MGAT4C: variants seen among roughly 807,000 people sequenced by gnomAD.
The protein encoded by MGAT4C is alpha-1,3-mannosyl-glycoprotein 4-beta-N-acetylglucosaminyltransferase C.
A neutral mutation model predicts 40.1 loss-of-function variants in MGAT4C; 19 were observed. The ratio of observed to expected loss-of-function variants is 0.47; its 90% CI spans 0.33 to 0.70. The LOEUF is 0.70. Ranked by LOEUF, MGAT4C falls within the 30% of genes least tolerant of loss-of-function variation. The pLI, the probability that MGAT4C is intolerant of heterozygous loss-of-function variation, is 0.02. For synonymous variants in MGAT4C, 181 were observed against 187.1 expected (o/e 0.97, Z 0.27); for missense variants, 491 against 563.2 (o/e 0.87, Z 1.30).
intron 2 of MGAT4C, among the ~76,000 whole-genome samples, chr12:86,555,935 T>C (rs1648901347): frequency 6.6e-6 from 1 of 152,174 alleles, no homozygotes; most frequent in Non-Finnish European, 1.5e-5. Flanking sequence ...GTCTGATCAC[T>C]TCAACAATAT....
rs1954561036 is a variant in MGAT4C, at chr12:86,327,789, T to A, written c.-57+6276A>T. ...ATCTGTTTCTTTGTTTTCTCCACTCTACTCCATCTTTCATAATTTGCACAA... is the reference window on the plus strand; with the variant it reads ...ATCTGTTTCTTTGTTTTCTCCACTCAACTCCATCTTTCATAATTTGCACAA... On this transcript the variant is annotated intron_variant, in intron 4 of 7. Transcript: ENST00000548651. 3.3e-5 allele frequency among the ~76,000 whole-genome samples: 5 copies of A among 152,278 alleles called. No individual in the cohort carries two copies. In the South Asian group the frequency reaches 8.3e-4, roughly 25 times the overall value.
chr12:86,401,120 G>A (rs1239413975), intron 3 of MGAT4C, among the ~76,000 whole-genome samples: 1 of 151,664 alleles, frequency 6.6e-6, no homozygotes, highest in Non-Finnish European at 1.5e-5. Flanking sequence ...TAATAATAGT[G>A]TTTACATAGG....
At chr12:86,050,562 T>G (rs552469578) in intron 1 of MGAT4C, among the ~76,000 whole-genome samples, 2 of 152,044 alleles carry the variant, frequency 1.3e-5, no homozygotes, top group African/African-American at 2.4e-5. Context: ...TTTCAAAGTT[T>G]GGTGTTATGT....
intron 3 of MGAT4C, among the ~76,000 whole-genome samples, chr12:86,341,490 A>G (rs1418125057): frequency 2.0e-5 from 3 of 152,222 alleles, no homozygotes; most frequent in Non-Finnish European, 4.4e-5. Context: ...CAAGAGGCTG[A>G]ATCCAGGGGG....
At chr12:86,522,921 T>C (rs548413858) in intron 2 of MGAT4C, among the ~76,000 whole-genome samples, 203 of 152,286 alleles carry the variant, frequency 1.3e-3, no homozygotes, top group African/African-American at 4.5e-3. Context: ...TGAGGGTTAT[T>C]TGTATTTCAG....
chr12:86,584,514 C>A (rs555272446), intron 2 of MGAT4C, among the ~76,000 whole-genome samples: 1 of 151,072 alleles, frequency 6.6e-6, no homozygotes, highest in South Asian at 2.1e-4. Flanking sequence ...TACATTTGAT[C>A]CCAGAGTATT....
Position 86,240,026 on chromosome 12 carries a change from TAAAAAAAAAAAATAA to T in MGAT4C, c.-57+16198_-57+16212del, listed in dbSNP as rs1406573209. 7.0e-4 allele frequency among the ~76,000 whole-genome samples: 49 copies of T among 69,734 alleles called. 1 individual carries two copies. The highest frequency in any genetic ancestry group is 1.6e-3 in the African/African-American group (48 of 29,420). The allele number at this position is 69,734 out of a possible 152,430, so 45.7% of individuals were successfully genotyped here. ...ACGTACCCTAAAACTTAGAGTATAATAAAAAAAAAAAATAAAAAATAAAATAAAATAAAATAAAAT... is the reference window on the plus strand; with the variant it reads ...ACGTACCCTAAAACTTAGAGTATAATAAAATAAAATAAAATAAAATAAAAT... On this transcript the variant is annotated intron_variant, in intron 1 of 4. Transcript: ENST00000611864.
intron 2 of MGAT4C, among the ~76,000 whole-genome samples, chr12:86,603,246 G>T (rs1961852176): frequency 7.1e-6 from 1 of 140,656 alleles, no homozygotes. Context: ...TTATATAATG[G>T]TATATATACT....
chr12:86,156,344 C>T (rs941649998), intron 1 of MGAT4C, among the ~76,000 whole-genome samples: 8 of 152,010 alleles, frequency 5.3e-5, no homozygotes, highest in Admixed American at 2.6e-4. Flanking sequence ...TTCTTTGAGG[C>T]GGAGTTCTGC....
At chr12:86,581,813 T>C (rs1960789998) in intron 2 of MGAT4C, among the ~76,000 whole-genome samples, 1 of 151,446 alleles carries the variant, frequency 6.6e-6, no homozygotes, top group Admixed American at 6.6e-5. Flanking sequence ...TGAAAATACA[T>C]AACCACAAAT....
intron 2 of MGAT4C, among the ~76,000 whole-genome samples, chr12:86,462,739 G>C (rs1957620186): frequency 6.6e-6 from 1 of 152,174 alleles, no homozygotes; most frequent in Admixed American, 6.5e-5. Context: ...GAAGAACTTA[G>C]AGTCTGATGT....
chr12:86,775,552 A>G (rs1440044214), intron 1 of MGAT4C, among the ~76,000 whole-genome samples: 1 of 151,558 alleles, frequency 6.6e-6, no homozygotes, highest in Non-Finnish European at 1.5e-5. Context: ...TGTCAGACAT[A>G]TGAGCAAATA....
At chr12:86,008,946 A>T (rs572738454) in intron 2 of MGAT4C, among the ~76,000 whole-genome samples, 1 of 152,154 alleles carries the variant, frequency 6.6e-6, no homozygotes, top group African/African-American at 2.4e-5. Context: ...GTATACATTA[A>T]ATAATTATAT....
At chr12:86,063,579 C>A (rs1221063423) in intron 1 of MGAT4C, among the ~76,000 whole-genome samples, 1 of 152,122 alleles carries the variant, frequency 6.6e-6, no homozygotes, top group African/African-American at 2.4e-5. Context: ...CACAGACCGA[C>A]AAACTGGATA....
At chr12:86,702,686 C>A (rs1239301043) in intron 2 of MGAT4C, among the ~76,000 whole-genome samples, 1 of 152,106 alleles carries the variant, frequency 6.6e-6, no homozygotes, top group Admixed American at 6.6e-5. Flanking sequence ...AAAGAGATTC[C>A]TTTCAAAATA....
chr12:86,782,654 G>A (rs2136184798), intron 1 of MGAT4C, among the ~76,000 whole-genome samples: 1 of 152,124 alleles, frequency 6.6e-6, no homozygotes, highest in South Asian at 2.1e-4. Context: ...CTCCCAATGT[G>A]ACTGTTTTCA....
intron 3 of MGAT4C, among the ~76,000 whole-genome samples, chr12:86,406,049 T>C (rs1234073886): frequency 6.9e-6 from 1 of 144,990 alleles, no homozygotes; most frequent in African/African-American, 2.5e-5. Flanking sequence ...TATATAATTA[T>C]TATATATATA....
Position 85,974,879 on chromosome 12 carries a change from C to T in MGAT4C, c.*4410G>A, listed in dbSNP as rs900334729. The T allele has an allele frequency of 2.0e-5, 3 of 149,976 alleles. No homozygotes were observed. Among genetic ancestry groups the T allele is most frequent in the Admixed American group, 6.7e-5 (1 of 14,982 alleles). The allele number at this position is 149,976 out of a possible 1,614,324, so 9.3% of individuals were successfully genotyped here. ...TGCCAAGGTAATTTATAGGTCAGTG[C>T]ATTGATAACTTTTGCCAATGATAGA... On this transcript the variant is annotated 3_prime_UTR_variant, in exon 5 of 5. Coordinates refer to ENST00000611864, the MANE Select transcript of MGAT4C (RefSeq NM_001351288.2).
intron 2 of MGAT4C, among the ~76,000 whole-genome samples, chr12:86,588,070 A>G (rs1961144953): frequency 6.6e-6 from 1 of 151,868 alleles, no homozygotes; most frequent in Non-Finnish European, 1.5e-5. Flanking sequence ...ATTCAGTATG[A>G]TATTGGCTGT....
Sources: gnomAD v4.1 joint callset for allele counts (sites outside exome capture counted in the v4.1 genomes callset) on GRCh38, gnomAD v4.1.1 for gene constraint, MANE v1.5 for transcripts, NCBI Gene and HGNC (gene_info 2026-07-23, HGNC 2026-07-21) for gene names.